ESAM: variants seen among roughly 807,000 people sequenced by gnomAD.
ESAM encodes the protein endothelial cell adhesion molecule.
A neutral mutation model predicts 31.8 loss-of-function variants in ESAM; 23 were observed. The ratio of observed to expected loss-of-function variants is 0.72; its 90% CI spans 0.52 to 1.03. ESAM has a LOEUF of 1.03. Ranked by LOEUF, ESAM falls within the 50% of genes least tolerant of loss-of-function variation. The pLI is 0.00. For synonymous variants in ESAM, 216 were observed against 207.2 expected (o/e 1.04, Z -0.37); for missense variants, 478 against 488.9 (o/e 0.98, Z 0.21).
intron 2 of ESAM, chr11:124,757,631 G>A (rs1944171880): frequency 6.6e-6 from 1 of 151,972 alleles, no homozygotes; most frequent in East Asian, 1.9e-4. Flanking sequence ...CATTTGGGAA[G>A]AGAAGTGGCC....
At chr11:124,761,395 C>T (rs1387934335) in intron 1 of ESAM, among the ~76,000 whole-genome samples, 3 of 152,210 alleles carry the variant, frequency 2.0e-5, no homozygotes, top group Non-Finnish European at 4.4e-5. Flanking sequence ...CCCTTGGCCA[C>T]CCTCCTCCCA....
Position 124,753,810 on chromosome 11 carries a change from G to T in ESAM, c.1009C>A (p.Leu337Ile), listed in dbSNP as rs753945695. 1.2e-6 allele frequency: 2 copies of T among 1,613,626 alleles called. No homozygotes were observed. Among genetic ancestry groups the T allele is most frequent in the South Asian group, 2.2e-5 (2 of 91,010 alleles). Residue 337 changes from leucine to isoleucine, a missense_variant, in exon 7 of 7, where the codon CTC becomes ATC. Leu to Ile is a conservative substitution (Grantham distance 5). Coordinates refer to ENST00000278927, the MANE Select transcript of ESAM (RefSeq NM_138961.3). Reference protein sequence around the residue: ...RPGALTPTPSLSSQALPSPRL... With the variant: ...RPGALTPTPSISSQALPSPRL... ...GGTGAGGGCAGGGCCTGGCTGGAGA[G>T]ACTGGGCGTGGGGGTCAATGCACCA...
intron 1 of ESAM, among the ~76,000 whole-genome samples, chr11:124,758,850 G>A (rs932383345): frequency 3.9e-5 from 6 of 152,228 alleles, no homozygotes; most frequent in Non-Finnish European, 7.3e-5. Context: ...CAGCGAGGAG[G>A]GGAAGATATG....
At chr11:124,760,020 G>A (rs1378285551) in intron 1 of ESAM, among the ~76,000 whole-genome samples, 1 of 152,244 alleles carries the variant, frequency 6.6e-6, no homozygotes, top group Non-Finnish European at 1.5e-5. Context: ...CTGGGGCCCA[G>A]AAGGGGCGCG....
Position 124,759,813 on chromosome 11 carries a change from G to A in ESAM, c.71-1286C>T, listed in dbSNP as rs938586499. 6.6e-6 allele frequency among the ~76,000 whole-genome samples: 1 copy of A among 152,202 alleles called. No individual in the cohort carries two copies. The highest frequency in any genetic ancestry group is 1.5e-5 in the Non-Finnish European group (1 of 68,024). Reference sequence around the variant, plus strand: ...AGTGATAAGGCAGAAGACAATGAAGGGGGGGCCACTAGACCGGAGGCTCTA... The same window carrying A: ...AGTGATAAGGCAGAAGACAATGAAGAGGGGGCCACTAGACCGGAGGCTCTA... On this transcript the variant is annotated intron_variant, in intron 1 of 6. Coordinates refer to ENST00000278927, the MANE Select transcript of ESAM (RefSeq NM_138961.3). This position sits in a 1 kb window ranked among gnomAD's most constrained non-coding sequence, Gnocchi z 6.8.
At chr11:124,760,135 A>C (rs1367604982) in intron 1 of ESAM, among the ~76,000 whole-genome samples, 2 of 152,130 alleles carry the variant, frequency 1.3e-5, no homozygotes, top group African/African-American at 4.8e-5. Flanking sequence ...TAACGGACAC[A>C]CTGGGGTCTG....
chr11:124,753,771 T>A lies in ESAM; in HGVS notation c.1048A>T (p.Thr350Ser), dbSNP rs886300153. ...QALPSPRLPT[T>S]DGAHPQPISP... Reference sequence around the variant, plus strand: ...ATTGGTTGAGGGTGGGCCCCATCTGTCGTGGGCAGTCTTGGTGAGGGCAGG... The same window carrying A: ...ATTGGTTGAGGGTGGGCCCCATCTGACGTGGGCAGTCTTGGTGAGGGCAGG... Residue 350 changes from threonine to serine, a missense_variant, in exon 7 of 7, where the codon ACA becomes TCA. Physicochemically the swap from Thr to Ser is moderately conservative, Grantham distance 58. Coordinates refer to ENST00000278927, the MANE Select transcript of ESAM (RefSeq NM_138961.3). 1 of 1,613,886 alleles carries A rather than the reference T, an allele frequency of 6.2e-7. No homozygotes were observed. Among genetic ancestry groups the A allele is most frequent in the South Asian group, 1.1e-5 (1 of 91,036 alleles).
rs543798224 is a variant in ESAM at position 124,753,266 on chromosome 11, C to T, written c.*380G>A. On this transcript the variant is annotated 3_prime_UTR_variant, in exon 7 of 7. Coordinates refer to ENST00000278927, the MANE Select transcript of ESAM (RefSeq NM_138961.3). ...ACCAAGCCAGCCTGACAGGTTATAT[C>T]AATACAGGGAGCTGGAGTGGGAGCC... is the stretch of plus-strand genomic sequence containing the variant. 5.1e-4 allele frequency: 113 copies of T among 221,390 alleles called. 2 individuals are homozygous for T. The South Asian group carries it at 0.01, about 20-fold the overall frequency. The allele number at this position is 221,390 out of a possible 1,614,324, so 13.7% of individuals were successfully genotyped here.
chr11:124,762,109 A>G lies in ESAM; in HGVS notation c.46T>C (p.Leu16=). The G allele has an allele frequency of 6.2e-7, 1 of 1,609,734 alleles. No homozygotes were observed. The highest frequency in any genetic ancestry group is 8.5e-7 in the Non-Finnish European group (1 of 1,177,934). Residue 16 remains leucine, a synonymous_variant, in exon 1 of 7, where the codon TTG becomes CTG. Coordinates refer to ENST00000278927, the MANE Select transcript of ESAM (RefSeq NM_138961.3). The surrounding 1 kb of genome is among the most constrained non-coding windows in gnomAD (Gnocchi z 6.4). ...CCGAGGGCACTCAGCCCCAGGAACA[A>G]AAACCGCAGCAAGTTGGTCACCAGG... The part of the protein sequence containing the change: ...GPLVTNLLRF[L]FLGLSALAPP...
Position 124,758,452 on chromosome 11 carries a change from A to T in ESAM, c.146T>A (p.Val49Glu), listed in dbSNP as rs777136430. 1.2e-6 allele frequency: 2 copies of T among 1,613,560 alleles called. No homozygotes were observed. ...RLQAVEGGEV[V>E]LPAWYTLHGE... ...GTGCAAGGTGTACCACGCTGGAAGCACCACTTCCCCTCCCTCCACCGCCTG... is the reference window on the plus strand; with the variant it reads ...GTGCAAGGTGTACCACGCTGGAAGCTCCACTTCCCCTCCCTCCACCGCCTG... Residue 49 changes from valine (V) to glutamate (E), a missense_variant, in exon 2 of 7, where the codon GTG becomes GAG. Transcript: ENST00000278927.
rs961789011 is a variant in ESAM, at chr11:124,754,533, T to G, written c.730+108A>C. The G allele has an allele frequency of 6.6e-7, 1 of 1,524,798 alleles. No homozygotes were observed. The allele number at this position is 1,524,798 out of a possible 1,614,324, so 94.5% of individuals were successfully genotyped here. ...GTACAAACATTTGATCAGGGGAAGC[T>G]CCGTGCCCTGCTACAGAGACAGGCC... On this transcript the variant is annotated intron_variant, in intron 5 of 6. Transcript: ENST00000278927. This position sits in a 1 kb window ranked among gnomAD's most constrained non-coding sequence, Gnocchi z 4.5.
chr11:124,756,456 C>T, intron 3 of ESAM, 85 bp downstream of exon 3: 2 of 1,585,982 alleles, frequency 1.3e-6, no homozygotes, highest in South Asian at 1.2e-5. Context: ...TTTGTTCCTC[C>T]TCCAACTTTT....
chr11:124,762,164 T>G lies in ESAM; in HGVS notation c.-10A>C, dbSNP rs1450236020. The G allele has an allele frequency of 6.2e-7, 1 of 1,602,494 alleles. No homozygotes were observed. Among genetic ancestry groups the G allele is most frequent in the Non-Finnish European group, 8.5e-7 (1 of 1,174,600 alleles). ...CCGGGAGGGAAATCATGGCCCTCCC[T>G]GGCCGGGACGGAGTCAGGGGCGCCA... On this transcript the variant is annotated 5_prime_UTR_variant, in exon 1 of 7. Transcript: ENST00000278927. The surrounding 1 kb of genome is among the most constrained non-coding windows in gnomAD (Gnocchi z 6.4).
At chr11:124,761,082 C>T (rs1430062991) in intron 1 of ESAM, among the ~76,000 whole-genome samples, 1 of 152,122 alleles carries the variant, frequency 6.6e-6, no homozygotes, top group East Asian at 1.9e-4. Flanking sequence ...ATCTCTGTCC[C>T]CATCATTGTA....
Position 124,759,893 on chromosome 11 carries a change from C to T in ESAM, c.71-1366G>A, listed in dbSNP as rs1272841763. On this transcript the variant is annotated intron_variant, in intron 1 of 6. Transcript: ENST00000278927. This position sits in a 1 kb window ranked among gnomAD's most constrained non-coding sequence, Gnocchi z 6.8. ...CTGGACGCCCCCTGGGGACCCGGCCCGCTGGCCATTCCGCTGAGGCCGGGC... is the reference window on the plus strand; with the variant it reads ...CTGGACGCCCCCTGGGGACCCGGCCTGCTGGCCATTCCGCTGAGGCCGGGC... 3.3e-5 allele frequency among the ~76,000 whole-genome samples: 5 copies of T among 152,244 alleles called. No individual in the cohort carries two copies. Among genetic ancestry groups the T allele is most frequent in the Non-Finnish European group, 4.4e-5 (3 of 68,034 alleles).
intron 2 of ESAM, 113 bp from the exon 3 acceptor site, chr11:124,756,855 CCA>C (rs1047147850): frequency 2.9e-5 from 33 of 1,121,810 alleles, no homozygotes; most frequent in Middle Eastern, 2.2e-4. Context: ...TCACATGCAC[CCA>C]TTCTTCTAAC....
intron 4 of ESAM, among the ~76,000 whole-genome samples, chr11:124,755,193 A>G (rs994464682): frequency 6.6e-6 from 1 of 152,174 alleles, no homozygotes; most frequent in Non-Finnish European, 1.5e-5. Flanking sequence ...AAATGGGGAC[A>G]ATATGACCTC....
rs1015682129 is a variant in ESAM at position 124,759,670 on chromosome 11, C to T, written c.71-1143G>A. On this transcript the variant is annotated intron_variant, in intron 1 of 6. Coordinates refer to ENST00000278927, the MANE Select transcript of ESAM (RefSeq NM_138961.3). This position sits in a 1 kb window ranked among gnomAD's most constrained non-coding sequence, Gnocchi z 6.8. ...GCCGATCCGGCCAGGATGCAAGCCTCCCCCACCGCTTCCCGGCTGCGCCGT... is the reference window on the plus strand; with the variant it reads ...GCCGATCCGGCCAGGATGCAAGCCTTCCCCACCGCTTCCCGGCTGCGCCGT... Among the ~76,000 whole-genome samples the T allele has an allele frequency of 1.3e-5, 2 of 152,242 alleles. No individual in the cohort carries two copies. Among genetic ancestry groups the T allele is most frequent in the Middle Eastern group, 3.2e-3 (1 of 316 alleles).
chr11:124,753,709 C>T lies in ESAM; in HGVS notation c.1110G>A (p.Leu370=). 1.2e-6 allele frequency: 2 copies of T among 1,614,078 alleles called. No homozygotes were observed. The highest frequency in any genetic ancestry group is 1.7e-6 in the Non-Finnish European group (2 of 1,180,046). Residue 370 remains leucine, a synonymous_variant, in exon 7 of 7, where the codon TTG becomes TTA. Transcript: ENST00000278927. ...TCACAGGCACAGCACCCATGCGGCT[C>T]AAGCCAGAGGAAGAAACCCCACCAG... The part of the protein sequence containing the change: ...PIPGGVSSSG[L]SRMGAVPVMV...
Sources: allele counts gnomAD v4.1 joint callset (sites outside exome capture counted in the v4.1 genomes callset), GRCh38; gene constraint gnomAD v4.1.1; non-coding constraint Gnocchi (gnomAD v3.1); transcripts MANE v1.5; gene names NCBI Gene and HGNC (gene_info 2026-07-23, HGNC 2026-07-21).